The following OPCML variants were observed in gnomAD, a reference collection of about 807,000 sequenced individuals.
OPCML encodes opioid binding protein/cell adhesion molecule like.
Under a neutral mutation model 37.8 loss-of-function variants are expected in OPCML, and 13 were observed. The ratio of observed to expected loss-of-function variants is 0.34; its 90% confidence interval spans 0.22 to 0.55. The LOEUF (loss-of-function observed/expected upper bound fraction) is 0.55. OPCML is among the 20% of genes least tolerant of loss of function. The pLI, the probability that OPCML is intolerant of heterozygous loss-of-function variation, is 0.91. For missense variants in OPCML, 341 were observed against 435.6 expected, an observed-to-expected ratio of 0.78 and a Z score of 1.93; for synonymous variants, 176 against 168.8, an observed-to-expected ratio of 1.04 and a Z score of -0.33.
chr11:133,418,952 C>T (rs1417434651), intron 1 of OPCML, among the ~76,000 whole-genome samples: 2 of 152,176 alleles, frequency 1.3e-5, no homozygotes, highest in Non-Finnish European at 2.9e-5. Flanking sequence ...GGTCCTGTGG[C>T]CCCACAGGCA....
intron 1 of OPCML, among the ~76,000 whole-genome samples, chr11:133,111,095 T>A (rs987268641): frequency 6.6e-6 from 1 of 152,204 alleles, no homozygotes; most frequent in African/African-American, 2.4e-5. Flanking sequence ...GTTAGCAACA[T>A]TATTCTCCTC....
chr11:132,756,811 G>A (rs1267446334), intron 2 of OPCML, among the ~76,000 whole-genome samples: 2 of 151,850 alleles, frequency 1.3e-5, no homozygotes, highest in African/African-American at 4.8e-5. Flanking sequence ...TTTAAGTTCT[G>A]GGATACATGT....
At position 133,098,213 on chromosome 11, in the gene OPCML, C is replaced by CTT. The variant is rs749902124; in HGVS notation, c.62-155205_62-155204dup. ...TCCCAGGTATGCAAGGCTGGTTAAA[C>CTT]TTTTTTTTTTTTTTTTTTTGGAGAT... On this transcript the variant is annotated intron_variant, in intron 1 of 7. Transcript: ENST00000524381. Among the ~76,000 whole-genome samples the CTT allele has an allele frequency of 3.4e-3, 459 of 133,688 alleles. 5 individuals are homozygous for CTT. The highest frequency in any genetic ancestry group is 0.012 in the African/African-American group (409 of 35,156). 87.7% of individuals were successfully genotyped at this position (133,688 alleles called of 152,430 possible). A position where few individuals can be genotyped will look rare whatever the true frequency, so the allele number is the denominator to read the frequency against.
chr11:132,698,724 C>G (rs561752450), intron 2 of OPCML, among the ~76,000 whole-genome samples: 1 of 152,050 alleles, frequency 6.6e-6, no homozygotes, highest in South Asian at 2.1e-4. Context: ...TTTCAAGAAT[C>G]TTTTTGATGG....
At chr11:132,839,362 G>A (rs1033932785) in intron 2 of OPCML, among the ~76,000 whole-genome samples, 1 of 152,194 alleles carries the variant, frequency 6.6e-6, no homozygotes, top group Non-Finnish European at 1.5e-5. Flanking sequence ...AGCTGGTGAA[G>A]ATCGGAACCG....
intron 3 of OPCML, among the ~76,000 whole-genome samples, chr11:132,602,055 G>A (rs1360161252): frequency 6.6e-6 from 1 of 152,154 alleles, no homozygotes; most frequent in African/African-American, 2.4e-5. Context: ...ATGAGAGACA[G>A]ACACTTCAGC....
chr11:132,640,936 G>A lies in OPCML; in HGVS notation c.379+16151C>T, dbSNP rs549307040. Among the ~76,000 whole-genome samples, 96 of 152,272 alleles carry A rather than the reference G, an allele frequency of 6.3e-4. 1 individual carries two copies. The highest frequency in any genetic ancestry group is 6.8e-3 in the Middle Eastern group (2 of 294). ...GCACCTCCTGGGAAGGCCCTGAGTAGGACAACTTCTGCCTGGCATAAGCAT... is the reference window on the plus strand; with the variant it reads ...GCACCTCCTGGGAAGGCCCTGAGTAAGACAACTTCTGCCTGGCATAAGCAT... On this transcript the variant is annotated intron_variant, in intron 3 of 7. Coordinates refer to ENST00000524381, the MANE Select transcript of OPCML (RefSeq NM_001012393.5).
At chr11:133,143,582 T>C (rs1949856080) in intron 1 of OPCML, among the ~76,000 whole-genome samples, 1 of 152,178 alleles carries the variant, frequency 6.6e-6, no homozygotes, top group Non-Finnish European at 1.5e-5. Flanking sequence ...CGAGAACACT[T>C]AGGATCTTTT....
At chr11:133,113,898 T>C (rs533243018) in intron 1 of OPCML, among the ~76,000 whole-genome samples, 1 of 152,344 alleles carries the variant, frequency 6.6e-6, no homozygotes, top group Admixed American at 6.5e-5. Context: ...CGTCTCTTCC[T>C]GAGAGAACCA....
chr11:132,506,879 T>G lies in OPCML; in HGVS notation c.505+22182A>C, dbSNP rs576204430. On this transcript the variant is annotated intron_variant, in intron 4 of 7. Transcript: ENST00000524381. ...AAACAAACACATCAGTTTTAATACCTGCAAGTGGGTTAAACTCCCCATTAT... is the reference window on the plus strand; with the variant it reads ...AAACAAACACATCAGTTTTAATACCGGCAAGTGGGTTAAACTCCCCATTAT... 2.0e-5 allele frequency among the ~76,000 whole-genome samples: 3 copies of G among 152,000 alleles called. No homozygotes were observed. In the East Asian group the frequency reaches 5.8e-4, roughly 29 times the overall value.
intron 1 of OPCML, among the ~76,000 whole-genome samples, chr11:133,278,640 A>G (rs1942058465): frequency 6.6e-6 from 1 of 152,106 alleles, no homozygotes; most frequent in Non-Finnish European, 1.5e-5. Flanking sequence ...TGTGAGTTTC[A>G]TACTGCAGAT....
chr11:132,891,069 T>C (rs1943628362), intron 2 of OPCML, among the ~76,000 whole-genome samples: 1 of 152,102 alleles, frequency 6.6e-6, no homozygotes, highest in African/African-American at 2.4e-5. Context: ...TCCAAAGTTA[T>C]TTACCTTAAG....
At chr11:133,082,482 A>T (rs1452336685) in intron 1 of OPCML, among the ~76,000 whole-genome samples, 1 of 14,184 alleles carries the variant, frequency 7.1e-5, no homozygotes, top group East Asian at 3.1e-3. Context: ...TCCCCTCCCC[A>T]CGCTCCCCTC....
chr11:132,693,459 A>C (rs903616171), intron 2 of OPCML, among the ~76,000 whole-genome samples: 26 of 152,236 alleles, frequency 1.7e-4, no homozygotes, highest in African/African-American at 5.8e-4. Context: ...CCTTGATTTC[A>C]TCAGAAACAT....
intron 2 of OPCML, among the ~76,000 whole-genome samples, chr11:132,830,794 A>G (rs1045318625): frequency 6.6e-6 from 1 of 152,202 alleles, no homozygotes; most frequent in African/African-American, 2.4e-5. Context: ...CAAGAAACAT[A>G]CACGCGTGCT....
chr11:133,479,820 C>T (rs1947335651), intron 1 of OPCML, among the ~76,000 whole-genome samples: 3 of 152,218 alleles, frequency 2.0e-5, no homozygotes, highest in African/African-American at 7.2e-5. Flanking sequence ...AATCCACCCC[C>T]ATTGTGCACA....
intron 2 of OPCML, among the ~76,000 whole-genome samples, chr11:132,872,870 A>G (rs1942863975): frequency 2.6e-5 from 4 of 151,616 alleles, no homozygotes. Context: ...GCTGAGTATC[A>G]TTAGTTACAA....
chr11:133,269,670 C>T (rs1204817320), intron 1 of OPCML, among the ~76,000 whole-genome samples: 1 of 152,284 alleles, frequency 6.6e-6, no homozygotes, highest in African/African-American at 2.4e-5. Context: ...ACAGGCTAGA[C>T]AAAGTAGCCA....
chr11:132,773,523 C>CA (rs35308829), intron 2 of OPCML, among the ~76,000 whole-genome samples: 2 of 152,134 alleles, frequency 1.3e-5, no homozygotes, highest in Non-Finnish European at 2.9e-5. Flanking sequence ...GTGAGGCCGA[C>CA]AAAAAGCAGC....
Sources: allele counts gnomAD v4.1 joint callset (sites outside exome capture counted in the v4.1 genomes callset), GRCh38; gene constraint gnomAD v4.1.1; transcripts MANE v1.5; gene names NCBI Gene and HGNC (gene_info 2026-07-23, HGNC 2026-07-21).